Variants in TMEM185A observed in about 807,000 individuals in gnomAD.
TMEM185A encodes family with sequence similarity 11, member A.
TMEM185A carries 9 observed loss-of-function variants against 25.0 expected under a neutral mutation model. The ratio of observed to expected loss-of-function variants is 0.36; its 90% CI spans 0.22 to 0.63. The LOEUF (loss-of-function observed/expected upper bound fraction) is 0.63, where lower values mean the gene tolerates loss of function less well. Ranked by LOEUF, TMEM185A falls within the 20% of genes least tolerant of loss-of-function variation. The pLI is 0.68. For missense variants in TMEM185A, 103 were observed against 237.4 expected (o/e 0.43, Z 3.72); for synonymous variants, 45 against 93.5 (o/e 0.48, Z 2.99).
intron 1 of TMEM185A, among the ~76,000 whole-genome samples, chrX:149,626,591 A>T (rs1428078064): frequency 1.8e-5 from 2 of 112,298 alleles, no homozygotes; most frequent in Non-Finnish European, 3.8e-5. Context: ...AAGAAATAAG[A>T]CACAGAAACA....
At chrX:149,605,043 C>A (rs1313828058) in intron 3 of TMEM185A, 2 of 112,135 alleles carry the variant, frequency 1.8e-5, no homozygotes, top group Non-Finnish European at 3.8e-5. Flanking sequence ...TTTCACTCAC[C>A]CGCTGCACCC....
chrX:149,613,075 C>T (rs2090092732), intron 1 of TMEM185A, among the ~76,000 whole-genome samples: 1 of 111,722 alleles, frequency 9.0e-6, no homozygotes, highest in Non-Finnish European at 1.9e-5. Context: ...ATTTTAAGGT[C>T]CATAACTGTG....
chrX:149,608,417 G>A (rs1018401035), intron 3 of TMEM185A: 12 of 349,267 alleles, frequency 3.4e-5, no homozygotes, highest in African/African-American at 5.4e-5. Context: ...TGCAACCTCC[G>A]CCTCCTGGGT....
At chrX:149,608,564 C>T (rs1158005680) in intron 3 of TMEM185A, 63 bp downstream of exon 3, 2 of 1,113,061 alleles carry the variant, frequency 1.8e-6, no homozygotes, top group African/African-American at 1.8e-5. Context: ...CTCCTGACCT[C>T]AAGTGATCCA....
At chrX:149,619,637 T>C (rs1461109749) in intron 1 of TMEM185A, among the ~76,000 whole-genome samples, 1 of 109,162 alleles carries the variant, frequency 9.2e-6, no homozygotes, top group Non-Finnish European at 1.9e-5. Context: ...TATCTCCTAA[T>C]GCTATCCCTC....
At chrX:149,617,325 T>C (rs1364459553) in intron 1 of TMEM185A, among the ~76,000 whole-genome samples, 1 of 111,791 alleles carries the variant, frequency 8.9e-6, no homozygotes, top group Non-Finnish European at 1.9e-5. Flanking sequence ...TGGGAGACCA[T>C]ACTCTGAAAA....
chrX:149,604,799 G>A (rs782770999), intron 3 of TMEM185A, among the ~76,000 whole-genome samples: 6 of 110,872 alleles, frequency 5.4e-5, no homozygotes, highest in Non-Finnish European at 9.4e-5. Context: ...ACCGATAACC[G>A]GGAGGCAGCA....
intron 4 of TMEM185A, chrX:149,602,270 C>G (rs1218992388): frequency 6.3e-5 from 7 of 111,985 alleles, no homozygotes; most frequent in Admixed American, 3.8e-4. Flanking sequence ...TGATTTCTCT[C>G]TCGTATGGAC....
At chrX:149,605,264 T>TCTTTCTATAGCCTCCCATGTCA (rs1347131325) in intron 3 of TMEM185A, 2 of 110,138 alleles carry the variant, frequency 1.8e-5, no homozygotes, top group Non-Finnish European at 3.7e-5. Flanking sequence ...TTGTATCTCC[T>TCTTTCTATAGCCTCCCATGTCA]CTTTCTATAG....
At chrX:149,618,820 T>C (rs1210569571) in intron 1 of TMEM185A, among the ~76,000 whole-genome samples, 1 of 112,105 alleles carries the variant, frequency 8.9e-6, no homozygotes, top group Non-Finnish European at 1.9e-5. Context: ...CGACACTGTT[T>C]CTACAGTTTA....
At position 149,628,602 on chromosome X, in the gene TMEM185A, G is replaced by A. The variant is rs149588119; in HGVS notation, c.38+2941C>T. ...CTATAGTTTCCAGAGCCTTGCCAAC[G>A]CAGCAGTGGGTTCAGACTTACCAAG... On this transcript the variant is annotated intron_variant, in intron 1 of 6. Coordinates refer to ENST00000600449, the MANE Select transcript of TMEM185A (RefSeq NM_032508.4). Among the ~76,000 whole-genome samples, 84 of 112,075 alleles carry A rather than the reference G, an allele frequency of 7.5e-4. 1 individual carries two copies. The East Asian group carries it at 0.022, about 30-fold the overall frequency.
chrX:149,606,917 C>A (rs1348597212), intron 3 of TMEM185A: 2 of 112,457 alleles, frequency 1.8e-5, no homozygotes, highest in Non-Finnish European at 3.7e-5. Flanking sequence ...GTTCCAGGAC[C>A]CCCTGTGGAT....
intron 3 of TMEM185A, among the ~76,000 whole-genome samples, chrX:149,605,529 GGCCTCCCATGTCACTTTCTATA>G (rs1557353265): frequency 0.017 from 1,448 of 85,104 alleles, 31 homozygotes; most frequent in African/African-American, 0.051. Flanking sequence ...CACTTTCTAT[GGCCTCCCATGTCACTTTCTATA>G]GCCTCCCATG....
intron 1 of TMEM185A, among the ~76,000 whole-genome samples, chrX:149,620,514 A>G (rs1259966742): frequency 8.9e-6 from 1 of 111,897 alleles, no homozygotes; most frequent in Non-Finnish European, 1.9e-5. Context: ...TTTAACTGCA[A>G]GTCCAGCACG....
chrX:149,619,242 T>C (rs2090126681), intron 1 of TMEM185A, among the ~76,000 whole-genome samples: 1 of 112,003 alleles, frequency 8.9e-6, no homozygotes, highest in Non-Finnish European at 1.9e-5. Flanking sequence ...ACACATTTCA[T>C]ATACAATAGC....
At chrX:149,614,024 T>C (rs2090098169) in intron 1 of TMEM185A, among the ~76,000 whole-genome samples, 1 of 112,053 alleles carries the variant, frequency 8.9e-6, no homozygotes, top group Non-Finnish European at 1.9e-5. Flanking sequence ...ATAGAACACA[T>C]AAACAGAAAA....
rs1452744714 is a variant in TMEM185A at position 149,598,773 on chromosome X, G to A, written c.809-518C>T. On this transcript the variant is annotated intron_variant, in intron 6 of 6. Coordinates refer to ENST00000600449, the MANE Select transcript of TMEM185A (RefSeq NM_032508.4). ...CCGTGAGGGCGGTAGTCATGCACGG[G>A]TTGGCCAGGAGGGGGCCTGAACTCA... 2.4e-5 allele frequency among the ~76,000 whole-genome samples: 2 copies of A among 82,130 alleles called. 1 individual carries two copies. The highest frequency in any genetic ancestry group is 4.3e-5 in the Non-Finnish European group (2 of 46,920). 71.3% of individuals were successfully genotyped at this position (82,130 alleles called of 115,157 possible).
chrX:149,628,692 C>G (rs986916144), intron 1 of TMEM185A, among the ~76,000 whole-genome samples: 10 of 111,954 alleles, frequency 8.9e-5, no homozygotes, highest in Non-Finnish European at 1.5e-4. Flanking sequence ...CAAACCATGA[C>G]AGTGACTATT....
At chrX:149,620,349 C>T (rs1393252375) in intron 1 of TMEM185A, among the ~76,000 whole-genome samples, 1 of 112,416 alleles carries the variant, frequency 8.9e-6, no homozygotes, top group African/African-American at 3.2e-5. Flanking sequence ...CTTGAGTCAA[C>T]CATTGCACTT....
Sources: gnomAD v4.1 joint callset for allele counts (sites outside exome capture counted in the v4.1 genomes callset) on GRCh38, gnomAD v4.1.1 for gene constraint, MANE v1.5 for transcripts, NCBI Gene and HGNC (gene_info 2026-07-23, HGNC 2026-07-21) for gene names.